Variants in VGLL3 observed in about 807,000 individuals in gnomAD.
VGLL3 encodes transcription cofactor vestigial-like protein 3.
A neutral mutation model predicts 29.2 loss-of-function variants in VGLL3; 18 were observed. The ratio of observed to expected loss-of-function variants is 0.62; its 90% CI spans 0.43 to 0.91. The LOEUF (loss-of-function observed/expected upper bound fraction) is 0.91. VGLL3 is among the 40% of genes least tolerant of loss of function. The pLI is 0.00. For synonymous variants in VGLL3, 180 were observed against 151.8 expected (o/e 1.19, Z -1.36); for missense variants, 440 against 413.2 (o/e 1.06, Z -0.56).
At chr3:86,976,277 A>T (rs965605996) in intron 2 of VGLL3, among the ~76,000 whole-genome samples, 12 of 152,216 alleles carry the variant, frequency 7.9e-5, no homozygotes, top group African/African-American at 2.9e-4. Context: ...CCCCTAGGTA[A>T]CCACATGATG....
Position 86,945,366 on chromosome 3 carries a change from C to A in VGLL3, c.*1658G>T, listed in dbSNP as rs1704485878. 6.6e-6 allele frequency: 1 copy of A among 152,032 alleles called. No homozygotes were observed. The highest frequency in any genetic ancestry group is 6.6e-5 in the Admixed American group (1 of 15,258). 9.4% of individuals were successfully genotyped at this position (152,032 alleles called of 1,614,324 possible). A position where few individuals can be genotyped will look rare whatever the true frequency, so the allele number is the denominator to read the frequency against. On this transcript the variant is annotated 3_prime_UTR_variant, in exon 4 of 4. Coordinates refer to ENST00000398399, the MANE Select transcript of VGLL3 (RefSeq NM_016206.4). Reference sequence around the variant, plus strand: ...AAAAAGTTCGCATATATGATACGAACAATTAAAGATAGAAAGTGGCATTTC... The same window carrying A: ...AAAAAGTTCGCATATATGATACGAAAAATTAAAGATAGAAAGTGGCATTTC...
intron 3 of VGLL3, among the ~76,000 whole-genome samples, chr3:86,953,563 T>C (rs1314313837): frequency 6.6e-6 from 1 of 152,190 alleles, no homozygotes; most frequent in Non-Finnish European, 1.5e-5. Context: ...GGTGGCTAAA[T>C]GTGTTTAGGA....
In VGLL3 at chr3:86,990,864, G is replaced by A. The variant is rs1705571777; in HGVS notation, c.-121C>T. The A allele has an allele frequency of 8.6e-7, 1 of 1,157,080 alleles. No homozygotes were observed. The highest frequency in any genetic ancestry group is 4.5e-5 in the East Asian group (1 of 22,012). The allele number at this position is 1,157,080 out of a possible 1,614,324, so 71.7% of individuals were successfully genotyped here. ...TGTCGCTGCTCCAGCTGCTACTGCG[G>A]CGAAGGCGGGTCCTCGGCGGCCTCG... On this transcript the variant is annotated 5_prime_UTR_variant, in exon 1 of 4. Transcript: ENST00000398399.
Position 86,938,452 on chromosome 3 carries a change from G to C in VGLL3, c.*8572C>G, listed in dbSNP as rs1041949397. ...AGCAAGATCCACAAGAAAGGATAGA[G>C]TGTCATGCTTAAAGGGGAACAGATT... On this transcript the variant is annotated 3_prime_UTR_variant, in exon 4 of 4. Transcript: ENST00000398399. 8 of 152,638 alleles carry C rather than the reference G, an allele frequency of 5.2e-5. No homozygotes were observed. The highest frequency in any genetic ancestry group is 1.7e-4 in the African/African-American group (7 of 41,446). The allele number at this position is 152,638 out of a possible 1,614,324, so 9.5% of individuals were successfully genotyped here.
rs1304361629 is a variant in VGLL3, at chr3:86,939,740, T to G, written c.*7284A>C. 6.6e-6 allele frequency: 1 copy of G among 152,156 alleles called. No individual in the cohort carries two copies. Among genetic ancestry groups the G allele is most frequent in the Non-Finnish European group, 1.5e-5 (1 of 68,076 alleles). The allele number at this position is 152,156 out of a possible 1,614,324, so 9.4% of individuals were successfully genotyped here. A position where few individuals can be genotyped will look rare whatever the true frequency, so the allele number is the denominator to read the frequency against. On this transcript the variant is annotated 3_prime_UTR_variant, in exon 4 of 4. Coordinates refer to ENST00000398399, the MANE Select transcript of VGLL3 (RefSeq NM_016206.4). ...GTAATCACATGAGTCCTTAAATATG[T>G]AAGGGAGAGGAAGAAGAGGAAGTCA...
At position 86,938,561 on chromosome 3, in the gene VGLL3, G is replaced by C. The variant is rs529075286; in HGVS notation, c.*8463C>G. ...GTCTCTTGTACAAGTGCAAAGCAAAGATCAATGCTGATGTTCTTCATTCAG... is the reference window on the plus strand; with the variant it reads ...GTCTCTTGTACAAGTGCAAAGCAAACATCAATGCTGATGTTCTTCATTCAG... On this transcript the variant is annotated 3_prime_UTR_variant, in exon 4 of 4. Coordinates refer to ENST00000398399, the MANE Select transcript of VGLL3 (RefSeq NM_016206.4). 1 of 152,726 alleles carries C rather than the reference G, an allele frequency of 6.5e-6. No homozygotes were observed. The highest frequency in any genetic ancestry group is 2.1e-4 in the South Asian group (1 of 4,834). The allele number at this position is 152,726 out of a possible 1,614,324, so 9.5% of individuals were successfully genotyped here.
At chr3:86,953,434 G>A (rs1704654075) in intron 3 of VGLL3, among the ~76,000 whole-genome samples, 1 of 151,948 alleles carries the variant, frequency 6.6e-6, no homozygotes, top group African/African-American at 2.4e-5. Context: ...ACACACACGG[G>A]TGTACAAAGT....
intron 3 of VGLL3, 95 bp from the exon 4 acceptor site, chr3:86,947,162 A>G: frequency 1.3e-6 from 1 of 748,688 alleles, no homozygotes; most frequent in South Asian, 1.4e-5. Context: ...ATAGAAACCA[A>G]AATGATAATC....
chr3:86,975,786 G>T (rs1705197851), intron 2 of VGLL3, among the ~76,000 whole-genome samples: 1 of 152,072 alleles, frequency 6.6e-6, no homozygotes, highest in African/African-American at 2.4e-5. Flanking sequence ...TGTGCTCCTG[G>T]TATATGCTGA....
intron 3 of VGLL3, among the ~76,000 whole-genome samples, chr3:86,966,546 TTTTA>T (rs2107010232): frequency 6.6e-6 from 1 of 151,780 alleles, no homozygotes; most frequent in African/African-American, 2.4e-5. Flanking sequence ...CTATTAACCA[TTTTA>T]ATAGTTGAAT....
intron 3 of VGLL3, among the ~76,000 whole-genome samples, chr3:86,951,199 T>C (rs1704611134): frequency 6.6e-6 from 1 of 152,170 alleles, no homozygotes; most frequent in Non-Finnish European, 1.5e-5. Context: ...GAATATGATT[T>C]TCCTTAAAAA....
chr3:86,986,751 C>T (rs1341650362), intron 1 of VGLL3, among the ~76,000 whole-genome samples: 1 of 152,076 alleles, frequency 6.6e-6, no homozygotes, highest in Non-Finnish European at 1.5e-5. Flanking sequence ...ACTGCTAATA[C>T]CACTTCCTGT....
Position 86,938,667 on chromosome 3 carries a change from A to C in VGLL3, c.*8357T>G, listed in dbSNP as rs1355814617. The stretch of plus-strand genomic sequence containing the variant: ...ACAAAGTCTTGCAGCTCATTTATTG[A>C]TCAGCAGCATTCCAGAGTATGGATA... On this transcript the variant is annotated 3_prime_UTR_variant, in exon 4 of 4. Transcript: ENST00000398399. 1 of 152,614 alleles carries C rather than the reference A, an allele frequency of 6.6e-6. No homozygotes were observed. Among genetic ancestry groups the C allele is most frequent in the Non-Finnish European group, 1.5e-5 (1 of 68,052 alleles). 9.5% of individuals were successfully genotyped at this position (152,614 alleles called of 1,614,324 possible).
At chr3:86,990,569 C>G (rs763523102) in intron 1 of VGLL3, 49 bp downstream of exon 1, 4 of 1,314,178 alleles carry the variant, frequency 3.0e-6, no homozygotes, top group Admixed American at 3.1e-5. Flanking sequence ...CCGATACTCT[C>G]GATGCCCTTC....
intron 3 of VGLL3, among the ~76,000 whole-genome samples, chr3:86,963,699 C>A (rs1704904126): frequency 6.6e-6 from 1 of 152,152 alleles, no homozygotes; most frequent in African/African-American, 2.4e-5. Flanking sequence ...TTTGTAAATG[C>A]TTTACTGCAT....
At chr3:86,963,670 A>C (rs762107363) in intron 3 of VGLL3, among the ~76,000 whole-genome samples, 1 of 152,248 alleles carries the variant, frequency 6.6e-6, no homozygotes, top group Non-Finnish European at 1.5e-5. Flanking sequence ...TACAGAGTAC[A>C]TGTTATATGC....
Position 86,939,060 on chromosome 3 carries a change from A to G in VGLL3, c.*7964T>C, listed in dbSNP as rs1161741188. On this transcript the variant is annotated 3_prime_UTR_variant, in exon 4 of 4. Transcript: ENST00000398399. ...CACATAACCCTTTGGATTCTGAAGC[A>G]CTATAATAACTACATGAAACATTTG... 6.6e-6 allele frequency: 1 copy of G among 152,254 alleles called. No homozygotes were observed. The highest frequency in any genetic ancestry group is 1.5e-5 in the Non-Finnish European group (1 of 68,046). The allele number at this position is 152,254 out of a possible 1,614,324, so 9.4% of individuals were successfully genotyped here.
At chr3:86,980,576 A>T (rs1426715795) in intron 1 of VGLL3, among the ~76,000 whole-genome samples, 1 of 152,150 alleles carries the variant, frequency 6.6e-6, no homozygotes, top group Non-Finnish European at 1.5e-5. Flanking sequence ...ACAGATTTGA[A>T]CATGTTTATA....
Position 86,968,862 on chromosome 3 carries a change from A to T in VGLL3, c.665T>A (p.Met222Lys), listed in dbSNP as rs756081647. ...TSQVSPSYSH[M>K]HDVYMRHHHP... ...GTGGTGCCGCATGTACACGTCATGC[A>T]TATGGCTGTAGGATGGGCTCACCTG... The change falls in exon 3 of 4, where the codon ATG becomes AAG. Residue 222 changes from methionine (M) to lysine (K), a missense_variant. By Grantham distance (95) the Met-to-Lys change is moderately conservative. Transcript: ENST00000398399. 4 of 1,614,210 alleles carry T rather than the reference A, an allele frequency of 2.5e-6. No individual in the cohort carries two copies.
Sources: gnomAD v4.1 joint callset for allele counts (sites outside exome capture counted in the v4.1 genomes callset) on GRCh38, gnomAD v4.1.1 for gene constraint, MANE v1.5 for transcripts, NCBI Gene and HGNC (gene_info 2026-07-23, HGNC 2026-07-21) for gene names.